Variants in TPH2 observed in about 807,000 individuals in gnomAD.
TPH2 encodes the protein tryptophan 5-hydroxylase 2.
A neutral mutation model predicts 59.1 loss-of-function variants in TPH2; 27 were observed. That is an observed-to-expected ratio of 0.46 (90% CI 0.34 to 0.63). The LOEUF (loss-of-function observed/expected upper bound fraction) is 0.63. Ranked by LOEUF, TPH2 falls within the 30% of genes least tolerant of loss-of-function variation. The pLI, the probability that TPH2 is intolerant of heterozygous loss-of-function variation, is 0.01. For missense variants in TPH2, 523 were observed against 588.3 expected (o/e 0.89, Z 1.15); for synonymous variants, 220 against 210.5 (o/e 1.05, Z -0.39).
chr12:71,975,444 ATC>A (rs1872090390), intron 6 of TPH2, among the ~76,000 whole-genome samples: 1 of 152,098 alleles, frequency 6.6e-6, no homozygotes, highest in Non-Finnish European at 1.5e-5. Context: ...TAGTTTGCTG[ATC>A]TCTGTTTTAC....
At chr12:71,962,204 A>G (rs1871705662) in intron 5 of TPH2, 3 of 985,852 alleles carry the variant, frequency 3.0e-6, no homozygotes, top group Admixed American at 6.1e-5. Context: ...TTTGAAATTC[A>G]GGCATCATTT....
At chr12:71,998,967 G>A (rs577992663) in intron 8 of TPH2, among the ~76,000 whole-genome samples, 1 of 152,270 alleles carries the variant, frequency 6.6e-6, no homozygotes, top group South Asian at 2.1e-4. Context: ...TCCTTATTTA[G>A]TGAATTTAAG....
At chr12:72,019,076 A>G (rs561527931) in intron 8 of TPH2, among the ~76,000 whole-genome samples, 3 of 152,318 alleles carry the variant, frequency 2.0e-5, no homozygotes, top group African/African-American at 7.2e-5. Flanking sequence ...AGAATTATGC[A>G]AATTTTTTAG....
intron 5 of TPH2, among the ~76,000 whole-genome samples, chr12:71,960,076 TC>T (rs1430687653): frequency 6.6e-6 from 1 of 152,210 alleles, no homozygotes; most frequent in Non-Finnish European, 1.5e-5. Flanking sequence ...ACTTTGTGAC[TC>T]CTGCATAAAC....
At chr12:72,026,086 C>T (rs1234959562) in intron 9 of TPH2, among the ~76,000 whole-genome samples, 1 of 152,150 alleles carries the variant, frequency 6.6e-6, no homozygotes, top group Non-Finnish European at 1.5e-5. Context: ...AGCCAATGAA[C>T]TGGCTGAGTC....
At chr12:71,956,749 A>G (rs1269653913) in intron 5 of TPH2, among the ~76,000 whole-genome samples, 1 of 152,040 alleles carries the variant, frequency 6.6e-6, no homozygotes, top group Non-Finnish European at 1.5e-5. Flanking sequence ...AGCTGGGACC[A>G]CAGGTGCATG....
intron 8 of TPH2, among the ~76,000 whole-genome samples, chr12:72,003,317 G>A (rs1417921220): frequency 6.6e-6 from 1 of 152,160 alleles, no homozygotes; most frequent in East Asian, 1.9e-4. Flanking sequence ...TGGGGGGAAT[G>A]CACTTTTATA....
At chr12:71,941,857 C>T (rs1044587448) in intron 2 of TPH2, 124 bp downstream of exon 2, 2 of 1,121,096 alleles carry the variant, frequency 1.8e-6, no homozygotes, top group Non-Finnish European at 2.7e-6. Flanking sequence ...TCAAAGGAAC[C>T]AAACTTCGTG....
At chr12:72,011,763 A>G (rs533321089) in intron 8 of TPH2, among the ~76,000 whole-genome samples, 7 of 152,324 alleles carry the variant, frequency 4.6e-5, no homozygotes, top group African/African-American at 1.4e-4. Flanking sequence ...CCTAACTTCT[A>G]TAGGAGCTAC....
At chr12:71,997,423 C>T (rs950962567) in intron 8 of TPH2, among the ~76,000 whole-genome samples, 2 of 152,170 alleles carry the variant, frequency 1.3e-5, no homozygotes. Context: ...TTTGTTTCTA[C>T]TTTTACACTT....
At position 71,966,239 on chromosome 12, in the gene TPH2, C is replaced by T. The variant is rs534079791; in HGVS notation, c.609-6280C>T. On this transcript the variant is annotated intron_variant, in intron 5 of 10. Coordinates refer to ENST00000333850, the MANE Select transcript of TPH2 (RefSeq NM_173353.4). ...GTTCCCATAATCTTTCTTCAAAGGCCCTGTCTAAATCTTTTTTTTTTTAAA... is the reference window on the plus strand; with the variant it reads ...GTTCCCATAATCTTTCTTCAAAGGCTCTGTCTAAATCTTTTTTTTTTTAAA... Among the ~76,000 whole-genome samples, 5 of 149,962 alleles carry T rather than the reference C, an allele frequency of 3.3e-5. No homozygotes were observed. In the South Asian group the frequency reaches 1.1e-3, roughly 32 times the overall value.
chr12:72,008,582 A>G (rs539574180), intron 8 of TPH2, among the ~76,000 whole-genome samples: 3 of 152,350 alleles, frequency 2.0e-5, no homozygotes, highest in South Asian at 2.1e-4. Flanking sequence ...ATTCATTCAC[A>G]TGATGCTGCA....
rs1422692580 is a variant in TPH2 at position 72,031,624 on chromosome 12, C to G, written c.1402C>G (p.Gln468Glu). The G allele has an allele frequency of 6.2e-7, 1 of 1,613,622 alleles. No individual in the cohort carries two copies. Among genetic ancestry groups the G allele is most frequent in the Non-Finnish European group, 8.5e-7 (1 of 1,179,622 alleles). ...KDTRSIENVV[Q>E]DLRSDLNTVC... ...CACCAGAAGTATTGAAAATGTGGTG[C>G]AGGACCTTCGCAGCGACTTGAATAC... Residue 468 changes from glutamine (Q) to glutamate (E), a missense_variant, in exon 11 of 11, where the codon CAG becomes GAG. Gln to Glu is a conservative substitution (Grantham distance 29). Coordinates refer to ENST00000333850, the MANE Select transcript of TPH2 (RefSeq NM_173353.4).
chr12:71,969,291 A>G (rs1304229242), intron 5 of TPH2, among the ~76,000 whole-genome samples: 1 of 152,196 alleles, frequency 6.6e-6, no homozygotes, highest in African/African-American at 2.4e-5. Context: ...TCAAAAAAGA[A>G]AGAAAGATAC....
chr12:71,944,181 C>T, intron 2 of TPH2, 113 bp from the exon 3 acceptor site: 1 of 1,032,390 alleles, frequency 9.7e-7, no homozygotes, highest in South Asian at 1.4e-5. Context: ...AAGAGATTGT[C>T]TCTTCCTCTT....
At chr12:71,986,056 C>A (rs1872425594) in intron 7 of TPH2, among the ~76,000 whole-genome samples, 2 of 152,184 alleles carry the variant, frequency 1.3e-5, no homozygotes, top group Non-Finnish European at 2.9e-5. Context: ...GACAAAGTAC[C>A]TTCTCAAAGG....
At chr12:71,999,273 A>G (rs1872764455) in intron 8 of TPH2, among the ~76,000 whole-genome samples, 1 of 152,244 alleles carries the variant, frequency 6.6e-6, no homozygotes, top group Non-Finnish European at 1.5e-5. Context: ...AATGTGGGCA[A>G]TGGTTTCTAT....
intron 8 of TPH2, among the ~76,000 whole-genome samples, chr12:72,010,745 C>G (rs1873079641): frequency 6.6e-6 from 1 of 152,132 alleles, no homozygotes; most frequent in South Asian, 2.1e-4. Flanking sequence ...GTGGTGACTA[C>G]CCACAGCTCA....
intron 5 of TPH2, among the ~76,000 whole-genome samples, chr12:71,956,810 G>A (rs913705095): frequency 1.1e-4 from 17 of 151,868 alleles, no homozygotes; most frequent in African/African-American, 3.9e-4. Context: ...GGGTTTCCCC[G>A]TGTTGCCCAG....
Sources: allele counts gnomAD v4.1 joint callset (sites outside exome capture counted in the v4.1 genomes callset), GRCh38; gene constraint gnomAD v4.1.1; transcripts MANE v1.5; gene names NCBI Gene and HGNC (gene_info 2026-07-23, HGNC 2026-07-21).